The following WWOX variants were observed in gnomAD, a reference collection of about 807,000 sequenced individuals.
The protein encoded by WWOX is WW domain containing oxidoreductase.
WWOX carries 69 observed loss-of-function variants against 46.2 expected under a neutral mutation model. The observed-to-expected ratio is 1.49, with a 90% CI of 1.23 to 1.82. The LOEUF is 1.82. Among genes scored for constraint, WWOX ranks in the 40% most tolerant of loss-of-function variants. The pLI, the probability that WWOX is intolerant of heterozygous loss-of-function variation, is 0.00. For missense variants in WWOX, 919 were observed against 542.6 expected (o/e 1.69, Z -6.89); for synonymous variants, 359 against 202.6 (o/e 1.77, Z -6.56).
intron 8 of WWOX, among the ~76,000 whole-genome samples, chr16:79,009,491 G>C (rs2047260164): frequency 6.6e-6 from 1 of 151,500 alleles, no homozygotes; most frequent in Admixed American, 6.6e-5. Context: ...TTTTTTAGAT[G>C]GACTTTCGCT....
intron 8 of WWOX, among the ~76,000 whole-genome samples, chr16:79,185,418 T>G (rs1216780767): frequency 6.6e-6 from 1 of 152,240 alleles, no homozygotes; most frequent in African/African-American, 2.4e-5. Context: ...TATTTGACCA[T>G]ATTTTCTAAC....
At chr16:78,729,800 T>C (rs1047216438) in intron 8 of WWOX, among the ~76,000 whole-genome samples, 1 of 152,190 alleles carries the variant, frequency 6.6e-6, no homozygotes, top group Non-Finnish European at 1.5e-5. Context: ...GAAACAGGAT[T>C]TGAACCTACA....
intron 8 of WWOX, among the ~76,000 whole-genome samples, chr16:79,074,593 TC>T (rs1902226497): frequency 6.6e-6 from 1 of 151,802 alleles, no homozygotes; most frequent in African/African-American, 2.4e-5. Context: ...CACTTAAGTA[TC>T]TCCCTTTATA....
chr16:78,226,726 C>T (rs1567440766), intron 5 of WWOX, among the ~76,000 whole-genome samples: 2 of 152,098 alleles, frequency 1.3e-5, no homozygotes, highest in South Asian at 4.1e-4. Flanking sequence ...TAGACGCCGG[C>T]ATGGCTATGC....
intron 8 of WWOX, among the ~76,000 whole-genome samples, chr16:79,137,119 G>C (rs1052640929): frequency 6.6e-6 from 1 of 152,204 alleles, no homozygotes; most frequent in Non-Finnish European, 1.5e-5. Context: ...GCTTCCAGAA[G>C]GAAATTCTTG....
chr16:78,809,994 A>G (rs1386646560), intron 8 of WWOX, among the ~76,000 whole-genome samples: 1 of 152,158 alleles, frequency 6.6e-6, no homozygotes, highest in Non-Finnish European at 1.5e-5. Context: ...CACCAATAGA[A>G]ACACCAAGAA....
At chr16:78,326,411 A>G (rs942190539) in intron 5 of WWOX, among the ~76,000 whole-genome samples, 1 of 152,130 alleles carries the variant, frequency 6.6e-6, no homozygotes, top group African/African-American at 2.4e-5. Context: ...CCAGGTTGTA[A>G]TCATTCACTG....
At position 78,633,402 on chromosome 16, in the gene WWOX, C is replaced by T. The variant is rs1204840090; in HGVS notation, c.1056+200650C>T. Among the ~76,000 whole-genome samples the T allele has an allele frequency of 8.5e-5, 13 of 152,284 alleles. No individual in the cohort carries two copies. In the East Asian group the frequency reaches 2.5e-3, roughly 29 times the overall value. On this transcript the variant is annotated intron_variant, in intron 8 of 8. Coordinates refer to ENST00000566780, the MANE Select transcript of WWOX (RefSeq NM_016373.4). ...ATTGCAATTTTTCATTCACCCCTCC[C>T]TCTCCACCCTTCCTGTCTTCAAGCC...
At chr16:78,976,306 G>A (rs1001897658) in intron 8 of WWOX, among the ~76,000 whole-genome samples, 11 of 152,094 alleles carry the variant, frequency 7.2e-5, no homozygotes, top group African/African-American at 2.4e-5. Flanking sequence ...TATTTCTTAC[G>A]TAGTTTTGAA....
At chr16:79,164,401 C>A (rs1025859391) in intron 8 of WWOX, among the ~76,000 whole-genome samples, 2 of 152,060 alleles carry the variant, frequency 1.3e-5, no homozygotes, top group African/African-American at 4.8e-5. Context: ...ATTTTTTCCC[C>A]GACAGGCTGC....
intron 8 of WWOX, among the ~76,000 whole-genome samples, chr16:78,524,865 CT>C (rs370620034): frequency 0.044 from 2,152 of 48,502 alleles, 24 homozygotes; most frequent in African/African-American, 0.13. Context: ...GTTTTTCTTT[CT>C]TTTTTTTTTT....
chr16:78,465,620 T>A (rs1448809339), intron 8 of WWOX, among the ~76,000 whole-genome samples: 1 of 152,258 alleles, frequency 6.6e-6, no homozygotes, highest in South Asian at 2.1e-4. Context: ...TTTTCAGGAA[T>A]GTGTTCATAT....
intron 8 of WWOX, among the ~76,000 whole-genome samples, chr16:79,024,041 C>T (rs1004226801): frequency 1.3e-5 from 2 of 152,074 alleles, no homozygotes; most frequent in Non-Finnish European, 2.9e-5. Context: ...ATACAAAGTA[C>T]CTAGAATAGG....
At chr16:79,134,076 G>A (rs2049935874) in intron 8 of WWOX, among the ~76,000 whole-genome samples, 1 of 152,104 alleles carries the variant, frequency 6.6e-6, no homozygotes, top group African/African-American at 2.4e-5. Context: ...TTGTCACTAT[G>A]AAGAATGGGC....
intron 5 of WWOX, among the ~76,000 whole-genome samples, chr16:78,189,437 C>T (rs2035812541): frequency 6.6e-6 from 1 of 152,134 alleles, no homozygotes; most frequent in Admixed American, 6.5e-5. Context: ...TGAGGTATGT[C>T]AAAGTCTGTA....
chr16:78,435,240 G>T (rs1597081378), intron 8 of WWOX, among the ~76,000 whole-genome samples: 1 of 152,130 alleles, frequency 6.6e-6, no homozygotes, highest in South Asian at 2.1e-4. Flanking sequence ...TTGCAACTCA[G>T]TGAGCACCGT....
chr16:78,985,780 AAG>A lies in WWOX; in HGVS notation c.1057-225826_1057-225825del, dbSNP rs372775516. Among the ~76,000 whole-genome samples, 238 of 45,128 alleles carry A rather than the reference AAG, an allele frequency of 5.3e-3. 1 individual carries two copies. Among genetic ancestry groups the A allele is most frequent in the African/African-American group, 7.5e-3 (220 of 29,272 alleles). 29.6% of individuals were successfully genotyped at this position (45,128 alleles called of 152,430 possible). On this transcript the variant is annotated intron_variant, in intron 8 of 8. Coordinates refer to ENST00000566780, the MANE Select transcript of WWOX (RefSeq NM_016373.4). ...TGAGACTCCATCTGAAAAAGAAAAA[AAG>A]AATAGGCACAGACAATTTACCTGGA... is the stretch of plus-strand genomic sequence containing the variant.
At chr16:78,933,165 G>T (rs1036752042) in intron 8 of WWOX, among the ~76,000 whole-genome samples, 3 of 152,318 alleles carry the variant, frequency 2.0e-5, no homozygotes, top group Non-Finnish European at 4.4e-5. Flanking sequence ...TTGGCCTGGC[G>T]TGGTGGCTCA....
chr16:78,702,298 A>G (rs954863938), intron 8 of WWOX, among the ~76,000 whole-genome samples: 4 of 151,128 alleles, frequency 2.6e-5, no homozygotes, highest in Admixed American at 6.6e-5. Flanking sequence ...AATATAAAAT[A>G]AAATAAAAAG....
Sources: allele counts gnomAD v4.1 joint callset (sites outside exome capture counted in the v4.1 genomes callset), GRCh38; gene constraint gnomAD v4.1.1; transcripts MANE v1.5; gene names NCBI Gene and HGNC (gene_info 2026-07-23, HGNC 2026-07-21).